SGCZ: variants seen among roughly 807,000 people sequenced by gnomAD.
SGCZ encodes the protein sarcoglycan zeta.
A neutral mutation model predicts 41.3 loss-of-function variants in SGCZ; 40 were observed. The observed-to-expected ratio is 0.97, with a 90% CI of 0.75 to 1.26. SGCZ has a LOEUF of 1.26. Ranked by LOEUF, SGCZ falls within the 50% of genes most tolerant of loss-of-function variation. SGCZ has a pLI of 0.00. For synonymous variants in SGCZ, 206 were observed against 137.5 expected, an observed-to-expected ratio of 1.50 and a Z score of -3.49; for missense variants, 552 against 369.8, an observed-to-expected ratio of 1.49 and a Z score of -4.04.
chr8:14,742,131 G>C (rs1439464863), intron 1 of SGCZ, among the ~76,000 whole-genome samples: 3 of 151,848 alleles, frequency 2.0e-5, no homozygotes, highest in Non-Finnish European at 2.9e-5. Context: ...TTCTAGACAA[G>C]AAACATGAGC....
intron 1 of SGCZ, among the ~76,000 whole-genome samples, chr8:15,039,569 A>G (rs1804000243): frequency 6.6e-6 from 1 of 152,210 alleles, no homozygotes; most frequent in Admixed American, 6.5e-5. Context: ...ACTATAGCCA[A>G]TAACAATGTA....
intron 1 of SGCZ, among the ~76,000 whole-genome samples, chr8:14,689,210 AATTG>A (rs1390697149): frequency 6.6e-6 from 1 of 152,064 alleles, no homozygotes; most frequent in African/African-American, 2.4e-5. Context: ...CACTAATTTT[AATTG>A]TTTATTTTAA....
chr8:15,112,633 G>A (rs1807112104), intron 1 of SGCZ, among the ~76,000 whole-genome samples: 1 of 152,158 alleles, frequency 6.6e-6, no homozygotes. Context: ...TGTGATGCTT[G>A]TTATTGAAAC....
intron 1 of SGCZ, among the ~76,000 whole-genome samples, chr8:14,757,403 C>G (rs1307087261): frequency 6.6e-6 from 1 of 152,182 alleles, no homozygotes; most frequent in Non-Finnish European, 1.5e-5. Context: ...CCACCTTTCT[C>G]AGGTACTGTG....
At chr8:14,410,376 A>T (rs1352319567) in intron 2 of SGCZ, among the ~76,000 whole-genome samples, 2 of 148,504 alleles carry the variant, frequency 1.3e-5, no homozygotes, top group Admixed American at 1.4e-4. Context: ...AGGTAAAAGT[A>T]ACTTACTTTG....
intron 3 of SGCZ, among the ~76,000 whole-genome samples, chr8:14,245,449 A>G (rs948877253): frequency 1.3e-5 from 2 of 152,196 alleles, no homozygotes; most frequent in African/African-American, 2.4e-5. Flanking sequence ...TTCATTCAAG[A>G]TGGATTAAAG....
At chr8:14,302,056 A>C (rs1382407168) in intron 3 of SGCZ, among the ~76,000 whole-genome samples, 2 of 152,174 alleles carry the variant, frequency 1.3e-5, no homozygotes, top group Non-Finnish European at 1.5e-5. Context: ...ATTGTGACCT[A>C]AAAAGTCTTC....
At chr8:15,008,293 T>C (rs1429277452) in intron 1 of SGCZ, among the ~76,000 whole-genome samples, 2 of 151,974 alleles carry the variant, frequency 1.3e-5, no homozygotes, top group Non-Finnish European at 2.9e-5. Flanking sequence ...AATGAGTCCA[T>C]TAAGTTTCTG....
At chr8:14,457,292 C>G (rs989503329) in intron 2 of SGCZ, among the ~76,000 whole-genome samples, 2 of 152,176 alleles carry the variant, frequency 1.3e-5, no homozygotes, top group East Asian at 3.9e-4. Context: ...TCTGTTATGC[C>G]CACACAGGGC....
In SGCZ at chr8:14,897,647, G is replaced by A. The variant is rs531532974; in HGVS notation, c.39+339938C>T. ...TAATGAAGTCCCTGGAGATCATAAG[G>A]CATAATTCATATGTCCCTGCATAGA... is the stretch of plus-strand genomic sequence containing the variant. On this transcript the variant is annotated intron_variant, in intron 1 of 7. Transcript: ENST00000382080. Among the ~76,000 whole-genome samples, 97 of 152,262 alleles carry A rather than the reference G, an allele frequency of 6.4e-4. 2 individuals are homozygous for A. Among genetic ancestry groups the A allele is most frequent in the Admixed American group, 6.0e-3 (92 of 15,300 alleles).
At chr8:14,242,647 T>C (rs533821895) in intron 3 of SGCZ, among the ~76,000 whole-genome samples, 42 of 152,316 alleles carry the variant, frequency 2.8e-4, no homozygotes, top group African/African-American at 9.4e-4. Context: ...AATTTAACTA[T>C]AGTATTTTAC....
rs35000758 is a variant in SGCZ, at chr8:14,573,189, C to CTTTT, written c.40-18267_40-18264dup. The stretch of plus-strand genomic sequence containing the variant: ...TTGCCTCCAAGCTTTCTTAGCAAGT[C>CTTTT]TTTTTTTTTTTTTTTTTTTTTTTTT... On this transcript the variant is annotated intron_variant, in intron 1 of 7. Transcript: ENST00000382080. Among the ~76,000 whole-genome samples, 7 of 76,462 alleles carry CTTTT rather than the reference C, an allele frequency of 9.2e-5. 1 individual carries two copies. Among genetic ancestry groups the CTTTT allele is most frequent in the African/African-American group, 2.7e-4 (5 of 18,704 alleles). The allele number at this position is 76,462 out of a possible 152,430, so 50.2% of individuals were successfully genotyped here. A position where few individuals can be genotyped will look rare whatever the true frequency, so the allele number is the denominator to read the frequency against.
At chr8:14,806,047 A>G (rs1341134236) in intron 1 of SGCZ, among the ~76,000 whole-genome samples, 384 of 151,872 alleles carry the variant, frequency 2.5e-3, no homozygotes, top group African/African-American at 8.8e-3. Context: ...ACAAAGATAC[A>G]ACATACCAGA....
chr8:14,618,204 GACATA>G (rs1286137558), intron 1 of SGCZ, among the ~76,000 whole-genome samples: 2 of 152,014 alleles, frequency 1.3e-5, no homozygotes, highest in Non-Finnish European at 2.9e-5. Context: ...TATAACGAAA[GACATA>G]ACAACCATAA....
intron 2 of SGCZ, among the ~76,000 whole-genome samples, chr8:14,501,825 T>A (rs1373302435): frequency 6.6e-6 from 1 of 152,066 alleles, no homozygotes; most frequent in Non-Finnish European, 1.5e-5. Flanking sequence ...TTATAACATA[T>A]AATAGGATGA....
At chr8:14,475,282 T>C (rs986424024) in intron 2 of SGCZ, among the ~76,000 whole-genome samples, 2 of 152,148 alleles carry the variant, frequency 1.3e-5, no homozygotes, top group Non-Finnish European at 2.9e-5. Flanking sequence ...AAGTGGTATG[T>C]TTTCCAATTC....
intron 1 of SGCZ, among the ~76,000 whole-genome samples, chr8:14,638,904 A>G (rs1224017345): frequency 6.6e-6 from 1 of 151,884 alleles, no homozygotes; most frequent in Non-Finnish European, 1.5e-5. Flanking sequence ...ATGCTGGTTC[A>G]GTAAAAGAAT....
chr8:14,836,187 A>C (rs1056447738), intron 1 of SGCZ, among the ~76,000 whole-genome samples: 2 of 140,746 alleles, frequency 1.4e-5, no homozygotes, highest in African/African-American at 2.6e-5. Flanking sequence ...GGTCCATTGC[A>C]CTGCCTAAAA....
intron 2 of SGCZ, among the ~76,000 whole-genome samples, chr8:14,396,171 ATTAT>A (rs1798913967): frequency 6.6e-6 from 1 of 152,290 alleles, no homozygotes; most frequent in African/African-American, 2.4e-5. Flanking sequence ...GACTGGGAAG[ATTAT>A]TTAAGTCCTC....
Sources: allele counts gnomAD v4.1 joint callset (sites outside exome capture counted in the v4.1 genomes callset), GRCh38; gene constraint gnomAD v4.1.1; transcripts MANE v1.5; gene names NCBI Gene and HGNC (gene_info 2026-07-23, HGNC 2026-07-21).